The following MTBP variants were observed in gnomAD, a reference collection of about 807,000 sequenced individuals.
MTBP encodes MDM2 binding protein, also known as mdm2-binding protein.
MTBP carries 101 observed loss-of-function variants against 117.0 expected under a neutral mutation model. The observed-to-expected ratio is 0.86, with a 90% CI of 0.73 to 1.02. The LOEUF is 1.02. Ranked by LOEUF, MTBP falls within the 50% of genes least tolerant of loss-of-function variation. The pLI is 0.00. For synonymous variants in MTBP, 350 were observed against 351.5 expected, an observed-to-expected ratio of 1.00 and a Z score of 0.05; for missense variants, 970 against 1,030.9, an observed-to-expected ratio of 0.94 and a Z score of 0.81.
intron 14 of MTBP, among the ~76,000 whole-genome samples, chr8:120,499,081 T>C (rs12678531): frequency 6.6e-6 from 1 of 152,134 alleles, no homozygotes; most frequent in African/African-American, 2.4e-5. Flanking sequence ...TCTTGATTGC[T>C]TCTAATTGCA....
intron 20 of MTBP, among the ~76,000 whole-genome samples, chr8:120,520,225 G>A (rs1219555331): frequency 1.3e-5 from 2 of 152,002 alleles, no homozygotes; most frequent in African/African-American, 4.8e-5. Flanking sequence ...ATAGAAAGAA[G>A]ATAATCGCAT....
At chr8:120,521,307 A>C (rs1815004013) in intron 20 of MTBP, among the ~76,000 whole-genome samples, 2 of 152,198 alleles carry the variant, frequency 1.3e-5, no homozygotes, top group Non-Finnish European at 2.9e-5. Context: ...AGAATATTGG[A>C]AGAAAGATAA....
Position 120,455,569 on chromosome 8 carries a change from C to G in MTBP, c.619C>G (p.His207Asp). 6.2e-7 allele frequency: 1 copy of G among 1,608,128 alleles called. No homozygotes were observed. Among genetic ancestry groups the G allele is most frequent in the Non-Finnish European group, 8.5e-7 (1 of 1,178,350 alleles). ...AGCAAAGATCACTATAGCAGGAAAT[C>G]ATTGTGAAATGTAAGCTTCTTTGTT... Reference protein sequence around the residue: ...YSAKITIAGNHCEINCQKIAE... With the variant: ...YSAKITIAGNDCEINCQKIAE... The change falls in exon 6 of 22, where the codon CAT (histidine) becomes GAT (aspartate). Residue 207 changes from histidine (H) to aspartate (D), a missense_variant. His to Asp is a moderately conservative substitution (Grantham distance 81, BLOSUM62 -1). Transcript: ENST00000305949.
At chr8:120,456,817 A>G (rs1248841259) in intron 7 of MTBP, 147 bp downstream of exon 7, 4 of 614,188 alleles carry the variant, frequency 6.5e-6, no homozygotes, top group Non-Finnish European at 1.1e-5. Context: ...TAAATGTTCT[A>G]TATCTGTGCT....
At chr8:120,466,208 A>G (rs964981186) in intron 10 of MTBP, among the ~76,000 whole-genome samples, 2 of 107,678 alleles carry the variant, frequency 1.9e-5, no homozygotes, top group South Asian at 6.5e-4. Flanking sequence ...TTTGTTTTTT[A>G]CTCTTTTTTT....
intron 15 of MTBP, among the ~76,000 whole-genome samples, chr8:120,504,851 G>A (rs1814659807): frequency 6.6e-6 from 1 of 150,552 alleles, no homozygotes; most frequent in African/African-American, 2.4e-5. Flanking sequence ...TTTACCTTTG[G>A]TTTCATCTTT....
Position 120,459,232 on chromosome 8 carries a change from T to G in MTBP, c.765T>G (p.Ser255Arg), listed in dbSNP as rs1451925317. The G allele has an allele frequency of 6.2e-7, 1 of 1,608,724 alleles. No homozygotes were observed. The highest frequency in any genetic ancestry group is 8.5e-7 in the Non-Finnish European group (1 of 1,177,516). ...IWERKFGFEI[S>R]FPEFCLKGVT... Reference sequence around the variant, plus strand: ...CTTTTCAGTTTGGATTTGAAATTAGTTTTCCTGAATTTTGTTTAAAGGGAG... The same window carrying G: ...CTTTTCAGTTTGGATTTGAAATTAGGTTTCCTGAATTTTGTTTAAAGGGAG... The change falls in exon 8 of 22, where the codon AGT (serine) becomes AGG (arginine). Residue 255 changes from serine to arginine, a missense_variant. Physicochemically the swap from Ser to Arg is moderately radical, Grantham distance 110. Coordinates refer to ENST00000305949, the MANE Select transcript of MTBP (RefSeq NM_022045.5).
intron 5 of MTBP, among the ~76,000 whole-genome samples, chr8:120,454,451 T>A (rs1387034181): frequency 6.6e-6 from 1 of 152,104 alleles, no homozygotes; most frequent in Non-Finnish European, 1.5e-5. Flanking sequence ...GGTTTTTTTC[T>A]TTTTTCCTTT....
chr8:120,522,900 T>G (rs1487421423), intron 21 of MTBP, among the ~76,000 whole-genome samples, 181 bp downstream of exon 21: 1 of 152,148 alleles, frequency 6.6e-6, no homozygotes, highest in Non-Finnish European at 1.5e-5. Flanking sequence ...TAGTATTTAG[T>G]AGATTGCTCT....
At chr8:120,497,668 A>G (rs1814498906) in intron 14 of MTBP, 114 bp downstream of exon 14, 2 of 644,198 alleles carry the variant, frequency 3.1e-6, no homozygotes, top group South Asian at 4.8e-5. Context: ...ACAAATTTAA[A>G]TAATAATAGA....
intron 1 of MTBP, 104 bp downstream of exon 1, chr8:120,445,692 C>A: frequency 2.2e-6 from 2 of 903,416 alleles, no homozygotes; most frequent in Non-Finnish European, 3.4e-6. Flanking sequence ...TGTAGTTGTC[C>A]CACGAAGCTG....
chr8:120,447,330 ATATGTG>A (rs1360637568), intron 2 of MTBP, among the ~76,000 whole-genome samples: 1 of 152,046 alleles, frequency 6.6e-6, no homozygotes, highest in Non-Finnish European at 1.5e-5. Context: ...ATGATTTCTA[ATATGTG>A]TATGCTACTC....
chr8:120,498,094 G>A (rs1216822926), intron 14 of MTBP, among the ~76,000 whole-genome samples: 1 of 152,172 alleles, frequency 6.6e-6, no homozygotes, highest in Non-Finnish European at 1.5e-5. Flanking sequence ...TAAGGACACA[G>A]GCTGTGGAGC....
intron 14 of MTBP, 65 bp from the exon 15 acceptor site, chr8:120,502,427 A>AT: frequency 1.7e-6 from 2 of 1,159,046 alleles, no homozygotes; most frequent in Non-Finnish European, 2.5e-6. Flanking sequence ...GTAAATACAC[A>AT]TTTTTATTAG....
intron 17 of MTBP, among the ~76,000 whole-genome samples, chr8:120,513,833 C>T (rs1052978501): frequency 2.0e-5 from 3 of 151,934 alleles, no homozygotes; most frequent in African/African-American, 4.8e-5. Flanking sequence ...TGATAGAAGT[C>T]GGACTCATCA....
rs186137487 is a variant in MTBP at position 120,488,780 on chromosome 8, C to T, written c.1339+448C>T. On this transcript the variant is annotated intron_variant, in intron 12 of 21. Coordinates refer to ENST00000305949, the MANE Select transcript of MTBP (RefSeq NM_022045.5). ...TAAAAATAGGAGTTTATTATTATCT[C>T]TCGTGGTCCTGTGGGTTGAATGAGC... Among the ~76,000 whole-genome samples the T allele has an allele frequency of 1.1e-3, 171 of 152,210 alleles. 1 individual carries two copies. Among genetic ancestry groups the T allele is most frequent in the Non-Finnish European group, 2.2e-3 (147 of 68,014 alleles).
rs1814489341 is a variant in MTBP, at chr8:120,497,389, A to G, written c.1448-4A>G. On this transcript the variant is annotated splice_polypyrimidine_tract_variant and splice_region_variant and intron_variant, in intron 13 of 21. Transcript: ENST00000305949. ...TAAGTCAATTGTATTGATTTGTCTTATAGAAAGACGAAAGTTGGCAAAGCA... is the reference window on the plus strand; with the variant it reads ...TAAGTCAATTGTATTGATTTGTCTTGTAGAAAGACGAAAGTTGGCAAAGCA... The G allele has an allele frequency of 6.2e-7, 1 of 1,602,084 alleles. No homozygotes were observed. Among genetic ancestry groups the G allele is most frequent in the Middle Eastern group, 1.7e-4 (1 of 6,046 alleles).
intron 10 of MTBP, among the ~76,000 whole-genome samples, chr8:120,469,266 G>A (rs1430203797): frequency 1.3e-5 from 2 of 151,592 alleles, no homozygotes; most frequent in East Asian, 1.9e-4. Flanking sequence ...GGGTGGTCTC[G>A]AACTCCTGAC....
chr8:120,456,698 G>T (rs1256843535), intron 7 of MTBP, 28 bp downstream of exon 7: 1 of 1,173,910 alleles, frequency 8.5e-7, no homozygotes, highest in Admixed American at 2.0e-5. Flanking sequence ...AGTTTGCCAA[G>T]TAGGCCTTTC....
Sources: gnomAD v4.1 joint callset for allele counts (sites outside exome capture counted in the v4.1 genomes callset) on GRCh38, gnomAD v4.1.1 for gene constraint, MANE v1.5 for transcripts, NCBI Gene and HGNC (gene_info 2026-07-23, HGNC 2026-07-21) for gene names.